HDX: variants seen among roughly 807,000 people sequenced by gnomAD.
HDX encodes highly divergent homeobox, also known as chromosome X open reading frame 43.
In HDX, 19 loss-of-function variants were observed where a neutral mutation model predicts 45.2. That is an observed-to-expected ratio of 0.42 (90% confidence interval 0.29 to 0.62). The LOEUF (loss-of-function observed/expected upper bound fraction) is 0.62. HDX is among the 20% of genes least tolerant of loss of function. The probability of loss-of-function intolerance (pLI) is 0.20; values close to 1 mark genes in which losing one functional copy is unlikely to be tolerated. For synonymous variants in HDX, 188 were observed against 172.8 expected (o/e 1.09, Z -0.69); for missense variants, 532 against 493.9 (o/e 1.08, Z -0.73).
intron 7 of HDX, among the ~76,000 whole-genome samples, chrX:84,340,372 C>A (rs758787686): frequency 3.8e-4 from 42 of 110,107 alleles, no homozygotes; most frequent in African/African-American, 1.3e-3. Flanking sequence ...GATATCTTTC[C>A]CTTCTTAGAT....
chrX:84,446,166 A>G (rs905967488), intron 4 of HDX, among the ~76,000 whole-genome samples: 15 of 111,956 alleles, frequency 1.3e-4, no homozygotes, highest in African/African-American at 4.5e-4. Context: ...CAAAGGCACT[A>G]AAGAATAAAC....
chrX:84,337,306 A>C (rs1422443210), intron 7 of HDX, among the ~76,000 whole-genome samples: 1 of 111,295 alleles, frequency 9.0e-6, no homozygotes, highest in Non-Finnish European at 1.9e-5. Flanking sequence ...TTTATTTTAA[A>C]ATATATAAAC....
intron 7 of HDX, among the ~76,000 whole-genome samples, chrX:84,340,139 G>A (rs866049968): frequency 1.3e-4 from 14 of 110,830 alleles, no homozygotes; most frequent in South Asian, 3.7e-4. Context: ...GAAGTTAGAG[G>A]TAAGTCAGAA....
Position 84,452,618 on chromosome X carries a change from G to C in HDX, c.1252-12033C>G, listed in dbSNP as rs1029739764. Among the ~76,000 whole-genome samples, 9 of 110,146 alleles carry C rather than the reference G, an allele frequency of 8.2e-5. No individual in the cohort carries two copies. In the Admixed American group the frequency reaches 8.7e-4, roughly 11 times the overall value. ...GACAAGGACAAATAGCATGGTACTGGTATATAAACAGACATGTAGAGCAAT... is the reference window on the plus strand; with the variant it reads ...GACAAGGACAAATAGCATGGTACTGCTATATAAACAGACATGTAGAGCAAT... On this transcript the variant is annotated intron_variant, in intron 4 of 10. Coordinates refer to ENST00000373177, the MANE Select transcript of HDX (RefSeq NM_001177479.2).
intron 7 of HDX, among the ~76,000 whole-genome samples, chrX:84,340,254 T>C (rs755499843): frequency 8.7e-4 from 97 of 111,289 alleles, no homozygotes; most frequent in South Asian, 1.5e-3. Context: ...AGCTGCCTTT[T>C]ACTGAATTTT....
intron 4 of HDX, among the ~76,000 whole-genome samples, chrX:84,445,837 G>A (rs1397543877): frequency 1.8e-5 from 2 of 111,669 alleles, no homozygotes; most frequent in African/African-American, 6.5e-5. Flanking sequence ...CTTCTATTAT[G>A]TGATAGAAAT....
In HDX at chrX:84,336,986, T is replaced by C. The variant is rs376642175; in HGVS notation, c.1661-106A>G. On this transcript the variant is annotated intron_variant, in intron 7 of 10. Coordinates refer to ENST00000373177, the MANE Select transcript of HDX (RefSeq NM_001177479.2). ...TTTCTCTATTATAAAAAGACACAAA[T>C]GGCAAATTCATTTCACACGTTTGAT... 1.2e-3 allele frequency: 627 copies of C among 517,062 alleles called. 1 individual carries two copies. The East Asian group carries it at 0.015, about 12-fold the overall frequency. The allele number at this position is 517,062 out of a possible 1,213,427, so 42.6% of individuals were successfully genotyped here. A position where few individuals can be genotyped will look rare whatever the true frequency, so the allele number is the denominator to read the frequency against.
At chrX:84,490,744 T>C (rs1369690978) in intron 1 of HDX, among the ~76,000 whole-genome samples, 1 of 111,186 alleles carries the variant, frequency 9.0e-6, no homozygotes, top group Admixed American at 9.6e-5. Context: ...CTTTAAGTTT[T>C]AGGGTACATG....
chrX:84,391,131 G>C (rs1263422050), intron 5 of HDX, among the ~76,000 whole-genome samples: 1 of 111,472 alleles, frequency 9.0e-6, no homozygotes, highest in Middle Eastern at 4.7e-3. Flanking sequence ...ACTATTCCCA[G>C]CCTCTGGCAT....
intron 5 of HDX, among the ~76,000 whole-genome samples, chrX:84,419,646 A>T (rs975193221): frequency 8.9e-6 from 1 of 112,031 alleles, no homozygotes; most frequent in Non-Finnish European, 1.9e-5. Flanking sequence ...CTGATTGTAG[A>T]ACCCTGGGGC....
chrX:84,320,240 C>CT lies in HDX; in HGVS notation c.*1648dup, dbSNP rs2036571430. 1 of 110,952 alleles carries CT rather than the reference C, an allele frequency of 9.0e-6. No individual in the cohort carries two copies. The highest frequency in any genetic ancestry group is 2.8e-4 in the East Asian group (1 of 3,544). 9.1% of individuals were successfully genotyped at this position (110,952 alleles called of 1,213,427 possible). The stretch of plus-strand genomic sequence containing the variant: ...GAATTTGACTTGTCAGCAAGAAAAA[C>CT]TAACTATTGTTTGCAAAACTCCATA... On this transcript the variant is annotated 3_prime_UTR_variant, in exon 11 of 11. Transcript: ENST00000373177.
intron 8 of HDX, 41 bp downstream of exon 8, chrX:84,336,760 A>T: frequency 1.1e-6 from 1 of 883,229 alleles, no homozygotes; most frequent in Non-Finnish European, 1.6e-6. Flanking sequence ...TGGGCTTGAA[A>T]TCAACCATGT....
chrX:84,372,565 C>A (rs1376123571), intron 5 of HDX, among the ~76,000 whole-genome samples: 1 of 111,997 alleles, frequency 8.9e-6, no homozygotes, highest in Non-Finnish European at 1.9e-5. Context: ...TAGAGTTTTG[C>A]ATTTTAATTT....
chrX:84,390,631 T>A, intron 5 of HDX, among the ~76,000 whole-genome samples: 1 of 112,129 alleles, frequency 8.9e-6, no homozygotes, highest in East Asian at 2.8e-4. Flanking sequence ...AAATGAGTAT[T>A]AATATTCAGC....
intron 5 of HDX, among the ~76,000 whole-genome samples, chrX:84,366,842 A>G (rs1288983614): frequency 8.9e-6 from 1 of 112,198 alleles, no homozygotes; most frequent in Non-Finnish European, 1.9e-5. Flanking sequence ...TTATACAGAA[A>G]TTAACTCAAG....
intron 4 of HDX, among the ~76,000 whole-genome samples, chrX:84,460,097 T>A (rs1357135667): frequency 9.0e-6 from 1 of 111,521 alleles, no homozygotes; most frequent in Non-Finnish European, 1.9e-5. Context: ...ACTGCTAAAT[T>A]TTACCAAGCA....
At chrX:84,361,946 T>C (rs2037631908) in intron 5 of HDX, among the ~76,000 whole-genome samples, 1 of 111,706 alleles carries the variant, frequency 9.0e-6, no homozygotes, top group Non-Finnish European at 1.9e-5. Flanking sequence ...TTAGAAATAA[T>C]GCTTGTTAAC....
At chrX:84,338,328 A>C (rs2037011120) in intron 7 of HDX, among the ~76,000 whole-genome samples, 1 of 110,657 alleles carries the variant, frequency 9.0e-6, no homozygotes, top group Admixed American at 9.7e-5. Flanking sequence ...TATTTTTTAA[A>C]AATTAAATTT....
chrX:84,469,992 AGG>A (rs2040425690), intron 3 of HDX, among the ~76,000 whole-genome samples: 1 of 111,936 alleles, frequency 8.9e-6, no homozygotes, highest in South Asian at 3.6e-4. Flanking sequence ...AACATACTAA[AGG>A]TAGGCTATTT....
Sources: allele counts gnomAD v4.1 joint callset (sites outside exome capture counted in the v4.1 genomes callset), GRCh38; gene constraint gnomAD v4.1.1; transcripts MANE v1.5; gene names NCBI Gene and HGNC (gene_info 2026-07-23, HGNC 2026-07-21).